Variants in NRG1 observed in about 807,000 individuals in gnomAD.
NRG1 encodes the protein neuregulin 1, also known as pro-neuregulin-1, membrane-bound isoform.
Under a neutral mutation model 63.8 loss-of-function variants are expected in NRG1, and 18 were observed. The ratio of observed to expected loss-of-function variants is 0.28; its 90% confidence interval spans 0.19 to 0.42. The LOEUF is 0.42. Among genes scored for constraint, NRG1 ranks in the 10% least tolerant of loss-of-function variants. The pLI is 1.00. For missense variants in NRG1, 762 were observed against 814.7 expected, an observed-to-expected ratio of 0.94 and a Z score of 0.79; for synonymous variants, 302 against 301.3, an observed-to-expected ratio of 1.00 and a Z score of -0.02.
intron 1 of NRG1, among the ~76,000 whole-genome samples, chr8:32,122,301 A>C (rs1349740110): frequency 6.6e-6 from 1 of 151,982 alleles, no homozygotes; most frequent in African/African-American, 2.4e-5. Context: ...GACAGCTCCC[A>C]AAAGGGGGTC....
chr8:32,717,847 A>G (rs1819636384), intron 5 of NRG1, among the ~76,000 whole-genome samples: 1 of 152,186 alleles, frequency 6.6e-6, no homozygotes, highest in African/African-American at 2.4e-5. Flanking sequence ...AAACACTTGG[A>G]AGATTGTGTC....
intron 1 of NRG1, among the ~76,000 whole-genome samples, chr8:32,288,336 CT>C (rs986721116): frequency 4.6e-5 from 7 of 151,996 alleles, no homozygotes; most frequent in Admixed American, 3.3e-4. Context: ...TGTTTCATGA[CT>C]TTTTTGGAGA....
chr8:31,808,917 T>C (rs1332773937), intron 1 of NRG1, among the ~76,000 whole-genome samples: 1 of 152,148 alleles, frequency 6.6e-6, no homozygotes, highest in Non-Finnish European at 1.5e-5. Context: ...TTTTTTGTTT[T>C]GTTTTGTTGA....
intron 1 of NRG1, among the ~76,000 whole-genome samples, chr8:32,566,323 C>T (rs1837439397): frequency 6.9e-6 from 1 of 144,678 alleles, no homozygotes; most frequent in Admixed American, 7.5e-5. Flanking sequence ...CACCACTTCA[C>T]TCCAGCCACA....
At chr8:31,987,846 A>G (rs1810363626) in intron 1 of NRG1, among the ~76,000 whole-genome samples, 1 of 152,138 alleles carries the variant, frequency 6.6e-6, no homozygotes, top group Non-Finnish European at 1.5e-5. Context: ...TACCAAAATA[A>G]TTAGAGAGTG....
intron 6 of NRG1, 200 bp downstream of exon 6, chr8:32,728,278 T>C: frequency 1.0e-6 from 1 of 985,196 alleles, no homozygotes; most frequent in Non-Finnish European, 1.2e-6. Context: ...TTTTTGCTCT[T>C]TTCAATGTGT....
At chr8:32,590,530 G>A (rs921068766) in intron 1 of NRG1, among the ~76,000 whole-genome samples, 2 of 152,198 alleles carry the variant, frequency 1.3e-5, no homozygotes, top group African/African-American at 4.8e-5. Context: ...TTCAAGACAA[G>A]TAAAAATTTT....
chr8:32,131,782 G>A (rs1289459940), intron 1 of NRG1, among the ~76,000 whole-genome samples: 1 of 152,016 alleles, frequency 6.6e-6, no homozygotes, highest in East Asian at 1.9e-4. Flanking sequence ...TGAGTATCCT[G>A]TGTGATAGGA....
At chr8:32,177,746 G>GA (rs985902966) in intron 1 of NRG1, among the ~76,000 whole-genome samples, 7 of 151,712 alleles carry the variant, frequency 4.6e-5, no homozygotes, top group Admixed American at 1.3e-4. Context: ...CACTTTGCAT[G>GA]AAAAAAAATC....
In NRG1 at chr8:31,640,200, G is replaced by A. The variant is rs1803602608; in HGVS notation, c.37+769G>A. ...CGTCCCCGCCCAGCGTGGGATCGGT[G>A]CAGGAGCTAGCTCAGCGCGCCGCGG... On this transcript the variant is annotated intron_variant, in intron 1 of 10. Transcript: ENST00000519301. The surrounding 1 kb of genome is among the most constrained non-coding windows in gnomAD (Gnocchi z 6.3). The A allele has an allele frequency of 4.3e-6, 5 of 1,171,864 alleles. No homozygotes were observed. The highest frequency in any genetic ancestry group is 5.3e-6 in the Non-Finnish European group (5 of 948,084). 72.6% of individuals were successfully genotyped at this position (1,171,864 alleles called of 1,614,324 possible). A position where few individuals can be genotyped will look rare whatever the true frequency, so the allele number is the denominator to read the frequency against.
chr8:31,698,456 G>A (rs1810311056), intron 1 of NRG1, among the ~76,000 whole-genome samples: 1 of 152,154 alleles, frequency 6.6e-6, no homozygotes, highest in Non-Finnish European at 1.5e-5. Context: ...AAAAGAGGAA[G>A]CTTCACTGTA....
chr8:32,244,377 AT>A (rs1006310761), intron 1 of NRG1, among the ~76,000 whole-genome samples: 2 of 152,178 alleles, frequency 1.3e-5, no homozygotes, highest in African/African-American at 2.4e-5. Context: ...ACCAGTCACA[AT>A]TTATGTAAAA....
Position 31,640,005 on chromosome 8 carries a change from G to A in NRG1, c.37+574G>A, listed in dbSNP as rs1466629837. On this transcript the variant is annotated intron_variant, in intron 1 of 10. Coordinates refer to the NRG1 transcript ENST00000519301. This position sits in a 1 kb window ranked among gnomAD's most constrained non-coding sequence, Gnocchi z 6.3. ...GCACCATGAGATGGCGACGCGCCCC[G>A]CGCCGCTCCGGGCGTCCCGGCCCCC... 2.6e-5 allele frequency: 29 copies of A among 1,127,786 alleles called. No individual in the cohort carries two copies. In the South Asian group the frequency reaches 8.5e-4, roughly 33 times the overall value. The allele number at this position is 1,127,786 out of a possible 1,614,324, so 69.9% of individuals were successfully genotyped here. A position where few individuals can be genotyped will look rare whatever the true frequency, so the allele number is the denominator to read the frequency against.
chr8:32,400,285 A>C (rs551937947), intron 1 of NRG1, among the ~76,000 whole-genome samples: 1 of 152,302 alleles, frequency 6.6e-6, no homozygotes, highest in South Asian at 2.1e-4. Context: ...GGAGTTTGAG[A>C]CCAGCCTGGC....
chr8:32,567,027 G>C (rs1049824702), intron 1 of NRG1, among the ~76,000 whole-genome samples: 2 of 152,132 alleles, frequency 1.3e-5, no homozygotes. Flanking sequence ...ATTTTTCGTA[G>C]AGACGGGGTT....
intron 1 of NRG1, among the ~76,000 whole-genome samples, chr8:31,843,738 T>C (rs1826412036): frequency 6.6e-6 from 1 of 152,214 alleles, no homozygotes; most frequent in Non-Finnish European, 1.5e-5. Flanking sequence ...TTTCTACTGA[T>C]GATACTTTGT....
At chr8:31,944,474 A>G (rs1802236235) in intron 1 of NRG1, among the ~76,000 whole-genome samples, 1 of 152,220 alleles carries the variant, frequency 6.6e-6, no homozygotes, top group African/African-American at 2.4e-5. Context: ...TTCTGGCTCT[A>G]GCTCTTAACT....
chr8:32,030,258 A>G (rs1818053990), intron 1 of NRG1: 1 of 152,152 alleles, frequency 6.6e-6, no homozygotes, highest in Admixed American at 6.5e-5. Context: ...CTTGCATGTT[A>G]ATGTTATGTG....
intron 1 of NRG1, among the ~76,000 whole-genome samples, chr8:32,225,003 G>C (rs562598723): frequency 3.4e-4 from 52 of 152,302 alleles, no homozygotes; most frequent in African/African-American, 1.2e-3. Context: ...AACTCGAAAT[G>C]TCATAACAGT....
Sources: allele counts gnomAD v4.1 joint callset (sites outside exome capture counted in the v4.1 genomes callset), GRCh38; gene constraint gnomAD v4.1.1; non-coding constraint Gnocchi (gnomAD v3.1); transcripts MANE v1.5; gene names NCBI Gene and HGNC (gene_info 2026-07-23, HGNC 2026-07-21).